The following LRRC4C variants were observed in gnomAD, a reference collection of about 807,000 sequenced individuals.
The protein encoded by LRRC4C is leucine rich repeat containing 4C.
Under a neutral mutation model 33.6 loss-of-function variants are expected in LRRC4C, and 5 were observed. The observed-to-expected ratio is 0.15, with a 90% CI of 0.08 to 0.31. The LOEUF is 0.31. Among genes scored for constraint, LRRC4C ranks in the 10% least tolerant of loss-of-function variants. LRRC4C has a pLI of 1.00. For missense variants in LRRC4C, 560 were observed against 796.7 expected, an observed-to-expected ratio of 0.70 and a Z score of 3.58; for synonymous variants, 329 against 302.0, an observed-to-expected ratio of 1.09 and a Z score of -0.93.
intron 4 of LRRC4C, among the ~76,000 whole-genome samples, chr11:40,278,389 C>T (rs17480119): frequency 0.052 from 7,950 of 152,176 alleles, 281 homozygotes; most frequent in Non-Finnish European, 0.076. Flanking sequence ...CATCTATGGC[C>T]GGGACAAGTG....
At chr11:40,532,699 T>C (rs12289795) in intron 3 of LRRC4C, among the ~76,000 whole-genome samples, 2 of 150,592 alleles carry the variant, frequency 1.3e-5, no homozygotes, top group Admixed American at 6.6e-5. Flanking sequence ...AACATAGAAG[T>C]GGGGGAGGAG....
At chr11:41,087,179 C>T (rs375713592) in intron 1 of LRRC4C, among the ~76,000 whole-genome samples, 13 of 152,224 alleles carry the variant, frequency 8.5e-5, no homozygotes, top group African/African-American at 2.9e-4. Context: ...TTCTGAATCT[C>T]TCTATGAAAT....
intron 1 of LRRC4C, among the ~76,000 whole-genome samples, chr11:41,065,230 C>T (rs1037464683): frequency 1.3e-5 from 2 of 152,082 alleles, no homozygotes; most frequent in African/African-American, 4.8e-5. Flanking sequence ...GGGGAGACCG[C>T]CATTACTGTG....
chr11:41,171,875 G>A (rs1944992305), intron 1 of LRRC4C, among the ~76,000 whole-genome samples: 2 of 151,958 alleles, frequency 1.3e-5, no homozygotes, highest in African/African-American at 4.8e-5. Context: ...GAAAAGGCAT[G>A]TAGATACTGA....
chr11:40,266,620 C>T (rs1016259935), intron 4 of LRRC4C, among the ~76,000 whole-genome samples: 3 of 152,058 alleles, frequency 2.0e-5, no homozygotes, highest in Admixed American at 6.5e-5. Context: ...ACTTAAAGCA[C>T]TGCTTTAAGT....
intron 1 of LRRC4C, among the ~76,000 whole-genome samples, chr11:41,227,707 T>C (rs1488212657): frequency 1.3e-5 from 2 of 152,092 alleles, no homozygotes; most frequent in South Asian, 2.1e-4. Context: ...CAGATTGATA[T>C]AGTTTAAATA....
chr11:41,451,585 G>T (rs981060852), intron 1 of LRRC4C, among the ~76,000 whole-genome samples: 1 of 152,104 alleles, frequency 6.6e-6, no homozygotes, highest in Non-Finnish European at 1.5e-5. Context: ...GGCATGACAG[G>T]TCAAGGATAA....
intron 1 of LRRC4C, among the ~76,000 whole-genome samples, chr11:41,015,811 G>A (rs1855538705): frequency 6.6e-6 from 1 of 152,030 alleles, no homozygotes; most frequent in African/African-American, 2.4e-5. Flanking sequence ...AGCATACATG[G>A]ACCTGGAGTA....
chr11:41,153,867 T>C (rs1944109713), intron 1 of LRRC4C, among the ~76,000 whole-genome samples: 1 of 152,132 alleles, frequency 6.6e-6, no homozygotes, highest in African/African-American at 2.4e-5. Context: ...ATGTGGGCTC[T>C]AAATAGCATG....
chr11:40,894,069 G>T (rs1210757816), intron 2 of LRRC4C, among the ~76,000 whole-genome samples: 1 of 152,012 alleles, frequency 6.6e-6, no homozygotes, highest in African/African-American at 2.4e-5. Context: ...GGTTCAGTTT[G>T]TTAATTGAAT....
At chr11:40,836,496 G>T (rs1952673225) in intron 2 of LRRC4C, among the ~76,000 whole-genome samples, 1 of 152,162 alleles carries the variant, frequency 6.6e-6, no homozygotes, top group Admixed American at 6.5e-5. Context: ...GGGCATCAAA[G>T]ATGATTGAAA....
chr11:40,285,510 T>C (rs1035135369), intron 4 of LRRC4C, among the ~76,000 whole-genome samples: 7 of 152,168 alleles, frequency 4.6e-5, no homozygotes, highest in African/African-American at 1.7e-4. Context: ...ACCATATTTC[T>C]CATATAATTA....
At chr11:40,309,663 G>T (rs1275769416) in intron 4 of LRRC4C, among the ~76,000 whole-genome samples, 1 of 151,936 alleles carries the variant, frequency 6.6e-6, no homozygotes, top group Non-Finnish European at 1.5e-5. Flanking sequence ...GCTTTACCAC[G>T]CCCAGCTAAT....
At chr11:40,664,563 A>C (rs1943619257) in intron 2 of LRRC4C, among the ~76,000 whole-genome samples, 1 of 152,078 alleles carries the variant, frequency 6.6e-6, no homozygotes, top group African/African-American at 2.4e-5. Flanking sequence ...ATGTGAGAAC[A>C]AATTAGAAAA....
intron 3 of LRRC4C, among the ~76,000 whole-genome samples, chr11:40,504,715 T>C (rs533385238): frequency 6.6e-6 from 1 of 152,184 alleles, no homozygotes; most frequent in Non-Finnish European, 1.5e-5. Flanking sequence ...ATACAGTTTT[T>C]TATTTGTTAA....
chr11:41,108,486 T>C (rs1941642744), intron 1 of LRRC4C, among the ~76,000 whole-genome samples: 1 of 152,144 alleles, frequency 6.6e-6, no homozygotes, highest in Non-Finnish European at 1.5e-5. Flanking sequence ...TTGTTCATTC[T>C]TCCCCAAAGA....
chr11:41,275,379 G>C (rs1428125299), intron 1 of LRRC4C, among the ~76,000 whole-genome samples: 2 of 152,088 alleles, frequency 1.3e-5, no homozygotes, highest in Non-Finnish European at 2.9e-5. Context: ...TACCTAAATG[G>C]AACTTTTTGC....
intron 1 of LRRC4C, among the ~76,000 whole-genome samples, chr11:41,433,541 C>A (rs1220975928): frequency 6.6e-6 from 1 of 152,074 alleles, no homozygotes. Context: ...GGAAAGCAGA[C>A]CCACCCTGAA....
intron 1 of LRRC4C, among the ~76,000 whole-genome samples, chr11:41,163,038 G>GT (rs1944542197): frequency 6.6e-6 from 1 of 152,042 alleles, no homozygotes; most frequent in South Asian, 2.1e-4. Context: ...TGTTCTTGTG[G>GT]TAGTGAATAA....
Sources: gnomAD v4.1 joint callset for allele counts (sites outside exome capture counted in the v4.1 genomes callset) on GRCh38, gnomAD v4.1.1 for gene constraint, MANE v1.5 for transcripts, NCBI Gene and HGNC (gene_info 2026-07-23, HGNC 2026-07-21) for gene names.